DPP10: variants seen among roughly 807,000 people sequenced by gnomAD.
DPP10 encodes inactive dipeptidyl peptidase 10.
A neutral mutation model predicts 120.9 loss-of-function variants in DPP10; 33 were observed. The observed-to-expected ratio is 0.27, with a 90% confidence interval of 0.21 to 0.37. The LOEUF (loss-of-function observed/expected upper bound fraction) is 0.37, where lower values mean the gene tolerates loss of function less well. Ranked by LOEUF, DPP10 falls within the 10% of genes least tolerant of loss-of-function variation. The pLI is 1.00. For missense variants in DPP10, 816 were observed against 942.8 expected (o/e 0.87, Z 1.76); for synonymous variants, 337 against 326.1 (o/e 1.03, Z -0.36).
At chr2:114,759,111 C>T (rs1680052697) in intron 1 of DPP10, among the ~76,000 whole-genome samples, 1 of 152,170 alleles carries the variant, frequency 6.6e-6, no homozygotes, top group Non-Finnish European at 1.5e-5. Flanking sequence ...TCCAAGTATT[C>T]CAGTCAATCA....
At chr2:115,450,299 T>A (rs1234032038) in intron 3 of DPP10, among the ~76,000 whole-genome samples, 1 of 151,974 alleles carries the variant, frequency 6.6e-6, no homozygotes. Context: ...TGGAAAAAGA[T>A]AAAAATTCAA....
chr2:115,379,082 G>A (rs952598190), intron 3 of DPP10, among the ~76,000 whole-genome samples: 6 of 152,120 alleles, frequency 3.9e-5, no homozygotes, highest in African/African-American at 1.4e-4. Context: ...GAGTTAGGGA[G>A]GATTCCCTCT....
At chr2:115,210,325 C>T (rs1169217041) in intron 1 of DPP10, among the ~76,000 whole-genome samples, 1 of 152,114 alleles carries the variant, frequency 6.6e-6, no homozygotes, top group Non-Finnish European at 1.5e-5. Flanking sequence ...CCAGCTTCAT[C>T]CATGTCCCTA....
intron 2 of DPP10, among the ~76,000 whole-genome samples, chr2:115,336,083 A>G (rs2063111310): frequency 6.6e-6 from 1 of 152,148 alleles, no homozygotes; most frequent in African/African-American, 2.4e-5. Context: ...TATTTTCAGC[A>G]AAGAGGAACC....
intron 1 of DPP10, among the ~76,000 whole-genome samples, chr2:115,249,469 C>A (rs780415098): frequency 6.6e-6 from 1 of 151,830 alleles, no homozygotes; most frequent in Non-Finnish European, 1.5e-5. Flanking sequence ...TTTATTGGGT[C>A]GAGTGATTTT....
intron 19 of DPP10, among the ~76,000 whole-genome samples, chr2:115,796,244 G>A (rs972186599): frequency 2.0e-5 from 3 of 151,990 alleles, no homozygotes; most frequent in African/African-American, 7.2e-5. Context: ...ACCTGGAGAA[G>A]TTCTCTTAAG....
chr2:114,468,397 CAAAA>C (rs71297186), intron 1 of DPP10, among the ~76,000 whole-genome samples: 2,807 of 69,562 alleles, frequency 0.04, 75 homozygotes, highest in African/African-American at 0.14. Context: ...GCTTACAATG[CAAAA>C]AAAAAAAAAA....
chr2:115,007,256 A>G (rs1402097613), intron 1 of DPP10, among the ~76,000 whole-genome samples: 2 of 152,210 alleles, frequency 1.3e-5, no homozygotes, highest in Admixed American at 1.3e-4. Context: ...CCTGGGATGC[A>G]AGCCTGGTTC....
intron 1 of DPP10, among the ~76,000 whole-genome samples, chr2:114,612,228 T>A (rs913090539): frequency 1.3e-5 from 2 of 152,152 alleles, no homozygotes; most frequent in Non-Finnish European, 2.9e-5. Flanking sequence ...TTCTTATGCC[T>A]TTGAGTCTGC....
chr2:115,631,782 G>A (rs1012439650), intron 5 of DPP10, among the ~76,000 whole-genome samples: 1 of 152,156 alleles, frequency 6.6e-6, no homozygotes, highest in Non-Finnish European at 1.5e-5. Flanking sequence ...GAGACTGGTT[G>A]TTATGATTTC....
chr2:115,291,694 T>G (rs957262072), intron 1 of DPP10, among the ~76,000 whole-genome samples: 1 of 152,268 alleles, frequency 6.6e-6, no homozygotes, highest in South Asian at 2.1e-4. Flanking sequence ...ACTGGGAAAC[T>G]TTTGGGAATT....
At chr2:115,656,806 T>C (rs1027032018) in intron 5 of DPP10, among the ~76,000 whole-genome samples, 2 of 151,722 alleles carry the variant, frequency 1.3e-5, no homozygotes, top group Non-Finnish European at 3.0e-5. Context: ...GGTTTGCTTA[T>C]TTATTTTATA....
At chr2:115,242,147 A>G (rs910809158) in intron 1 of DPP10, among the ~76,000 whole-genome samples, 1 of 152,046 alleles carries the variant, frequency 6.6e-6, no homozygotes, top group African/African-American at 2.4e-5. Context: ...TTTATCCCTC[A>G]TGCTCTTCCC....
chr2:115,669,205 G>T (rs2089684945), intron 5 of DPP10, among the ~76,000 whole-genome samples: 1 of 151,996 alleles, frequency 6.6e-6, no homozygotes, highest in Non-Finnish European at 1.5e-5. Context: ...ATTTGGTTTT[G>T]GCTATCAGTT....
At chr2:115,297,868 A>G (rs1343354975) in intron 1 of DPP10, among the ~76,000 whole-genome samples, 1 of 151,996 alleles carries the variant, frequency 6.6e-6, no homozygotes, top group Non-Finnish European at 1.5e-5. Context: ...AATCCCAGAA[A>G]TTTTGGGCTA....
intron 3 of DPP10, among the ~76,000 whole-genome samples, chr2:115,438,254 TAAC>T (rs958971008): frequency 6.6e-6 from 1 of 152,144 alleles, no homozygotes; most frequent in Non-Finnish European, 1.5e-5. Flanking sequence ...TAACAAGTGT[TAAC>T]AAGGATGTGG....
intron 3 of DPP10, among the ~76,000 whole-genome samples, chr2:115,382,882 C>A (rs1387817854): frequency 1.3e-5 from 2 of 151,810 alleles, no homozygotes; most frequent in Admixed American, 6.6e-5. Context: ...TAATAGCAAC[C>A]AATTGTGGGG....
intron 5 of DPP10, among the ~76,000 whole-genome samples, chr2:115,634,937 G>A (rs995272079): frequency 6.6e-5 from 10 of 151,788 alleles, no homozygotes; most frequent in African/African-American, 2.2e-4. Context: ...TTGTAGGGAG[G>A]GCTTGCCTAG....
chr2:114,507,930 T>A (rs1683813357), intron 1 of DPP10, among the ~76,000 whole-genome samples: 3 of 152,220 alleles, frequency 2.0e-5, no homozygotes, highest in Admixed American at 1.3e-4. Flanking sequence ...TAGTAATTGA[T>A]ATATGCTGAC....
Sources: gnomAD v4.1 joint callset for allele counts (sites outside exome capture counted in the v4.1 genomes callset) on GRCh38, gnomAD v4.1.1 for gene constraint, MANE v1.5 for transcripts, NCBI Gene and HGNC (gene_info 2026-07-23, HGNC 2026-07-21) for gene names.